Variants in LRRTM4 observed in about 807,000 individuals in gnomAD.
LRRTM4 encodes the protein leucine rich repeat transmembrane neuronal 4.
Under a neutral mutation model 47.6 loss-of-function variants are expected in LRRTM4, and 25 were observed. The observed-to-expected ratio is 0.53, with a 90% confidence interval of 0.38 to 0.73. LRRTM4 has a LOEUF of 0.73. Ranked by LOEUF, LRRTM4 falls within the 30% of genes least tolerant of loss-of-function variation. The pLI is 0.00. For synonymous variants in LRRTM4, 311 were observed against 269.5 expected, an observed-to-expected ratio of 1.15 and a Z score of -1.51; for missense variants, 638 against 713.4, an observed-to-expected ratio of 0.89 and a Z score of 1.20.
chr2:77,484,002 C>G (rs1677816521), intron 3 of LRRTM4, among the ~76,000 whole-genome samples: 1 of 152,166 alleles, frequency 6.6e-6, no homozygotes, highest in Non-Finnish European at 1.5e-5. Flanking sequence ...CTCAGTCTTA[C>G]AAAGTTTGTC....
At chr2:77,072,209 C>T (rs927571772) in intron 3 of LRRTM4, among the ~76,000 whole-genome samples, 2 of 152,024 alleles carry the variant, frequency 1.3e-5, no homozygotes, top group African/African-American at 4.8e-5. Flanking sequence ...CTCCAGTTGG[C>T]ACCATAAAAA....
At chr2:77,196,804 G>A (rs1673840985) in intron 3 of LRRTM4, among the ~76,000 whole-genome samples, 1 of 152,014 alleles carries the variant, frequency 6.6e-6, no homozygotes, top group Non-Finnish European at 1.5e-5. Context: ...AATTTAAAAG[G>A]AAATAATTGT....
intron 3 of LRRTM4, among the ~76,000 whole-genome samples, chr2:77,078,212 A>G (rs1182413811): frequency 1.3e-5 from 2 of 152,212 alleles, no homozygotes; most frequent in African/African-American, 4.8e-5. Flanking sequence ...TCTGTCATTT[A>G]TATCTGCCAT....
At chr2:76,790,991 G>A (rs1674941735) in intron 3 of LRRTM4, among the ~76,000 whole-genome samples, 1 of 152,144 alleles carries the variant, frequency 6.6e-6, no homozygotes, top group Non-Finnish European at 1.5e-5. Flanking sequence ...CAGAAGGTAT[G>A]TTTCCAGTTA....
intron 3 of LRRTM4, among the ~76,000 whole-genome samples, chr2:77,473,169 C>T (rs1202661378): frequency 2.0e-5 from 3 of 151,986 alleles, no homozygotes; most frequent in Admixed American, 1.3e-4. Context: ...TGCCCGTCTT[C>T]CTGGATTGTC....
chr2:77,280,685 T>C (rs1166490430), intron 3 of LRRTM4, among the ~76,000 whole-genome samples: 1 of 151,996 alleles, frequency 6.6e-6, no homozygotes, highest in Admixed American at 6.6e-5. Flanking sequence ...GCCTCAGTTT[T>C]CTAATATAAA....
rs78905623 is a variant in LRRTM4 at position 76,991,531 on chromosome 2, A to G, written c.1552-242615T>C. 3.2e-3 allele frequency among the ~76,000 whole-genome samples: 485 copies of G among 151,890 alleles called. 3 individuals carry two copies. The highest frequency in any genetic ancestry group is 0.011 in the African/African-American group (436 of 41,524). On this transcript the variant is annotated intron_variant, in intron 3 of 3. Transcript: ENST00000409884. ...CCAATGCACACGAAGTACAAATTCT[A>G]GCGGAAATTTATAACAAATTCCTTG...
At chr2:77,068,846 G>C (rs1370031210) in intron 3 of LRRTM4, among the ~76,000 whole-genome samples, 1 of 152,204 alleles carries the variant, frequency 6.6e-6, no homozygotes, top group African/African-American at 2.4e-5. Context: ...ACGCTGGAAG[G>C]TTGTGGGTTT....
intron 3 of LRRTM4, among the ~76,000 whole-genome samples, chr2:76,788,791 A>G (rs1298296504): frequency 6.6e-6 from 1 of 152,174 alleles, no homozygotes; most frequent in African/African-American, 2.4e-5. Context: ...ACACTATTTT[A>G]TAGTTAAGGA....
At chr2:76,862,973 C>A (rs989320086) in intron 3 of LRRTM4, among the ~76,000 whole-genome samples, 1 of 152,114 alleles carries the variant, frequency 6.6e-6, no homozygotes, top group East Asian at 1.9e-4. Flanking sequence ...TTCTACCCTC[C>A]GATTATCTAC....
intron 3 of LRRTM4, among the ~76,000 whole-genome samples, chr2:77,450,847 T>G (rs982260953): frequency 6.6e-6 from 1 of 152,164 alleles, no homozygotes; most frequent in South Asian, 2.1e-4. Flanking sequence ...ATATGTAGAT[T>G]AAATTCCAAC....
chr2:77,115,962 C>T (rs1014472657), intron 3 of LRRTM4, among the ~76,000 whole-genome samples: 1 of 152,150 alleles, frequency 6.6e-6, no homozygotes, highest in East Asian at 1.9e-4. Context: ...CAGTGTTGTA[C>T]TTCCTGAACC....
chr2:77,103,155 G>T (rs1406711687), intron 3 of LRRTM4, among the ~76,000 whole-genome samples: 1 of 152,104 alleles, frequency 6.6e-6, no homozygotes. Flanking sequence ...TTTCATTTGG[G>T]GGCAGAGACA....
At chr2:77,243,709 C>T (rs1309733954) in intron 3 of LRRTM4, among the ~76,000 whole-genome samples, 4 of 151,656 alleles carry the variant, frequency 2.6e-5, no homozygotes, top group African/African-American at 9.7e-5. Context: ...GCGTATTTTT[C>T]CAAATTAGAA....
chr2:77,381,907 C>T (rs1029107221), intron 3 of LRRTM4, among the ~76,000 whole-genome samples: 3 of 151,916 alleles, frequency 2.0e-5, no homozygotes, highest in Non-Finnish European at 4.4e-5. Flanking sequence ...TATTTATATG[C>T]CATTTATAAT....
At chr2:77,087,649 A>T (rs961366079) in intron 3 of LRRTM4, among the ~76,000 whole-genome samples, 1 of 152,236 alleles carries the variant, frequency 6.6e-6, no homozygotes, top group African/African-American at 2.4e-5. Flanking sequence ...TAAGAAACAT[A>T]ACTGAAGCCC....
Position 77,380,821 on chromosome 2 carries a change from C to T in LRRTM4, c.1551+137497G>A, listed in dbSNP as rs145719453. On this transcript the variant is annotated intron_variant, in intron 3 of 3. Transcript: ENST00000409884. ...GAAAAAAAAAAAGGAAAAAGACTTA[C>T]GGTACACTATATAATTAAGTTCGTA... Among the ~76,000 whole-genome samples the T allele has an allele frequency of 6.3e-3, 942 of 150,674 alleles. 8 individuals are homozygous for T. Among genetic ancestry groups the T allele is most frequent in the African/African-American group, 0.022 (906 of 41,158 alleles).
At chr2:77,372,799 G>T (rs1672698503) in intron 3 of LRRTM4, among the ~76,000 whole-genome samples, 1 of 151,368 alleles carries the variant, frequency 6.6e-6, no homozygotes, top group Non-Finnish European at 1.5e-5. Flanking sequence ...GGTCTTTTGG[G>T]GTAGGGATGA....
intron 3 of LRRTM4, among the ~76,000 whole-genome samples, chr2:77,085,174 G>A (rs971486673): frequency 6.6e-6 from 1 of 151,830 alleles, no homozygotes; most frequent in Non-Finnish European, 1.5e-5. Context: ...AATATTTTAG[G>A]CTACTATTGG....
Sources: allele counts gnomAD v4.1 joint callset (sites outside exome capture counted in the v4.1 genomes callset), GRCh38; gene constraint gnomAD v4.1.1; transcripts MANE v1.5; gene names NCBI Gene and HGNC (gene_info 2026-07-23, HGNC 2026-07-21).